Variants in CALD1 observed in about 807,000 individuals in gnomAD.
CALD1 encodes the protein caldesmon 1.
In CALD1, 33 loss-of-function variants were observed where a neutral mutation model predicts 99.9. The ratio of observed to expected loss-of-function variants is 0.33; its 90% CI spans 0.25 to 0.44. The LOEUF (loss-of-function observed/expected upper bound fraction) is 0.44, where lower values mean the gene tolerates loss of function less well. Among genes scored for constraint, CALD1 ranks in the 20% least tolerant of loss-of-function variants. The pLI, the probability that CALD1 is intolerant of heterozygous loss-of-function variation, is 1.00. For missense variants in CALD1, 861 were observed against 962.1 expected, an observed-to-expected ratio of 0.89 and a Z score of 1.39; for synonymous variants, 310 against 325.0, an observed-to-expected ratio of 0.95 and a Z score of 0.50.
At chr7:134,961,413 T>C (rs755109551) in intron 13 of CALD1, 9 of 152,220 alleles carry the variant, frequency 5.9e-5, no homozygotes, top group Non-Finnish European at 1.0e-4. Context: ...GAGAGTCCAC[T>C]GTCATAATCC....
intron 5 of CALD1, among the ~76,000 whole-genome samples, chr7:134,934,485 AT>A (rs1805799773): frequency 6.6e-6 from 1 of 152,194 alleles, no homozygotes; most frequent in Non-Finnish European, 1.5e-5. Context: ...CAAGAGGCCC[AT>A]AACTCCTTAC....
chr7:134,871,684 A>G (rs1801086227), intron 3 of CALD1, among the ~76,000 whole-genome samples: 1 of 152,210 alleles, frequency 6.6e-6, no homozygotes, highest in Non-Finnish European at 1.5e-5. Flanking sequence ...TACAGAGAAG[A>G]GAAAGTCCAT....
At chr7:134,800,489 T>G (rs1174351250) in intron 1 of CALD1, among the ~76,000 whole-genome samples, 1 of 152,152 alleles carries the variant, frequency 6.6e-6, no homozygotes, top group African/African-American at 2.4e-5. Flanking sequence ...ACACATAAGT[T>G]TATGATTTTT....
intron 1 of CALD1, among the ~76,000 whole-genome samples, chr7:134,755,331 G>A (rs1181079762): frequency 2.0e-5 from 3 of 152,122 alleles, no homozygotes; most frequent in Non-Finnish European, 4.4e-5. Flanking sequence ...CTCTGGAATG[G>A]TATTTCTTTG....
intron 3 of CALD1, chr7:134,868,104 A>G (rs934138046): frequency 6.6e-5 from 12 of 180,596 alleles, no homozygotes; most frequent in Non-Finnish European, 1.2e-4. Flanking sequence ...TAATGTGTGA[A>G]TGAAGGTTTA....
intron 1 of CALD1, among the ~76,000 whole-genome samples, chr7:134,789,496 A>T (rs1797438667): frequency 6.6e-6 from 1 of 152,236 alleles, no homozygotes; most frequent in Admixed American, 6.5e-5. Context: ...CACTTTTTTC[A>T]CTTACAAAAT....
At chr7:134,876,212 T>C (rs1057068369) in intron 3 of CALD1, among the ~76,000 whole-genome samples, 2 of 152,232 alleles carry the variant, frequency 1.3e-5, no homozygotes, top group Admixed American at 1.3e-4. Flanking sequence ...TGGGGGCCGA[T>C]GCCTTCTGGC....
intron 1 of CALD1, among the ~76,000 whole-genome samples, chr7:134,749,631 A>G (rs1335207654): frequency 6.6e-6 from 1 of 152,124 alleles, no homozygotes; most frequent in Non-Finnish European, 1.5e-5. Context: ...GAGTGAGGTA[A>G]GGCATGGATG....
intron 1 of CALD1, among the ~76,000 whole-genome samples, chr7:134,816,696 G>A (rs1226546975): frequency 6.6e-6 from 1 of 152,110 alleles, no homozygotes; most frequent in African/African-American, 2.4e-5. Flanking sequence ...TAAAATGTAG[G>A]GAGTAAGCAC....
At chr7:134,959,218 T>C (rs1432881639) in intron 11 of CALD1, among the ~76,000 whole-genome samples, 1 of 152,062 alleles carries the variant, frequency 6.6e-6, no homozygotes, top group East Asian at 1.9e-4. Flanking sequence ...TTCGCTCTTG[T>C]TGCCCAAGCT....
At chr7:134,956,671 G>C (rs902227858) in intron 9 of CALD1, among the ~76,000 whole-genome samples, 2 of 152,114 alleles carry the variant, frequency 1.3e-5, no homozygotes, top group African/African-American at 4.8e-5. Flanking sequence ...CATTAACCAA[G>C]ACTCACTGAG....
rs1409461790 is a variant in CALD1 at position 134,837,599 on chromosome 7, G to A, written c.-129-6285G>A. 5.3e-5 allele frequency among the ~76,000 whole-genome samples: 8 copies of A among 151,984 alleles called. No homozygotes were observed. In the East Asian group the frequency reaches 5.8e-4, roughly 11 times the overall value. On this transcript the variant is annotated intron_variant, in intron 1 of 14. Coordinates refer to ENST00000361675, the MANE Select transcript of CALD1 (RefSeq NM_033138.4). ...CCCGACCTTGTGATCTGCCTGCCTC[G>A]GCCTCCCAAAGTGCTGGGATTACAG... is the stretch of plus-strand genomic sequence containing the variant.
At chr7:134,786,478 T>C (rs1797310202) in intron 1 of CALD1, among the ~76,000 whole-genome samples, 1 of 152,216 alleles carries the variant, frequency 6.6e-6, no homozygotes, top group Admixed American at 6.5e-5. Flanking sequence ...AGTGATCTAT[T>C]TTTTATTCTC....
chr7:134,869,260 T>C (rs1227782844), intron 3 of CALD1, among the ~76,000 whole-genome samples: 1 of 152,012 alleles, frequency 6.6e-6, no homozygotes, highest in African/African-American at 2.4e-5. Context: ...GAAATAAGAA[T>C]CCTGGTGCAA....
chr7:134,961,104 G>A (rs1351957134), intron 13 of CALD1: 1 of 152,330 alleles, frequency 6.6e-6, no homozygotes, highest in Non-Finnish European at 1.5e-5. Flanking sequence ...CAGTTATTGG[G>A]TAGCTGTTGA....
At chr7:134,727,428 A>C in the CALD1 span, among the ~76,000 whole-genome samples, 3 of 152,246 alleles carry the variant, frequency 2.0e-5, no homozygotes, top group Non-Finnish European at 4.4e-5. Flanking sequence ...TCAAACTATC[A>C]AACCAGCTTT....
intron 1 of CALD1, among the ~76,000 whole-genome samples, chr7:134,780,421 C>A (rs7812047): frequency 6.6e-6 from 1 of 151,390 alleles, no homozygotes; most frequent in Non-Finnish European, 1.5e-5. Context: ...AGAATGCATG[C>A]GCTAGTGGGT....
intron 9 of CALD1, among the ~76,000 whole-genome samples, chr7:134,955,484 T>C (rs1410547058): frequency 6.6e-6 from 1 of 152,230 alleles, no homozygotes; most frequent in Non-Finnish European, 1.5e-5. Context: ...GAAATGTATT[T>C]CTCACAGTCC....
intron 1 of CALD1, among the ~76,000 whole-genome samples, chr7:134,756,779 T>C (rs1167651301): frequency 6.6e-6 from 1 of 152,174 alleles, no homozygotes; most frequent in Non-Finnish European, 1.5e-5. Context: ...AATTCATATA[T>C]CTTTTAAGTA....
Sources: gnomAD v4.1 joint callset for allele counts (sites outside exome capture counted in the v4.1 genomes callset) on GRCh38, gnomAD v4.1.1 for gene constraint, MANE v1.5 for transcripts, NCBI Gene and HGNC (gene_info 2026-07-23, HGNC 2026-07-21) for gene names.